The following ETV6 variants were observed in gnomAD, a reference collection of about 807,000 sequenced individuals.
The protein encoded by ETV6 is transcription factor ETV6.
A neutral mutation model predicts 51.1 loss-of-function variants in ETV6; 16 were observed. That is an observed-to-expected ratio of 0.31 (90% CI 0.21 to 0.48). The LOEUF (loss-of-function observed/expected upper bound fraction) is 0.48, where lower values mean the gene tolerates loss of function less well. Among genes scored for constraint, ETV6 ranks in the 20% least tolerant of loss-of-function variants. The pLI is 0.99. For missense variants in ETV6, 458 were observed against 594.8 expected, an observed-to-expected ratio of 0.77 and a Z score of 2.39; for synonymous variants, 240 against 224.1, an observed-to-expected ratio of 1.07 and a Z score of -0.64.
chr12:11,794,005 G>A (rs1034562859), intron 2 of ETV6, among the ~76,000 whole-genome samples: 1 of 152,116 alleles, frequency 6.6e-6, no homozygotes. Context: ...AAGGCGTCTT[G>A]TACTCCTGCT....
intron 7 of ETV6, 34 bp from the exon 8 acceptor site, chr12:11,890,907 G>A (rs753217391): frequency 1.3e-6 from 2 of 1,533,056 alleles, no homozygotes; most frequent in African/African-American, 1.4e-5. Context: ...TAGGAAAATG[G>A]AATCTCTTAC....
Position 11,891,391 on chromosome 12 carries a change from G to A in ETV6, c.*345G>A, listed in dbSNP as rs1006251718. 4 of 341,540 alleles carry A rather than the reference G, an allele frequency of 1.2e-5. No homozygotes were observed. Among genetic ancestry groups the A allele is most frequent in the South Asian group, 8.4e-5 (2 of 23,920 alleles). The allele number at this position is 341,540 out of a possible 1,614,324, so 21.2% of individuals were successfully genotyped here. ...TTTGTTTTTGTTTTAAGAACCTGCA[G>A]TTTGACTCTTCATCGTTCATCTAGG... On this transcript the variant is annotated 3_prime_UTR_variant, in exon 8 of 8. Transcript: ENST00000396373.
At position 11,773,531 on chromosome 12, in the gene ETV6, G is replaced by A. The variant is rs574043318; in HGVS notation, c.163+20952G>A. Among the ~76,000 whole-genome samples, 8 of 152,192 alleles carry A rather than the reference G, an allele frequency of 5.3e-5. No individual in the cohort carries two copies. The East Asian group carries it at 5.8e-4, about 11-fold the overall frequency. On this transcript the variant is annotated intron_variant, in intron 2 of 7. Transcript: ENST00000396373. ...AATACACATTATTTTATTGTAATCC[G>A]CTAGTTTAAATTGTTTATTCTGCTT...
chr12:11,880,781 T>C (rs977625253), intron 5 of ETV6, among the ~76,000 whole-genome samples: 7 of 152,120 alleles, frequency 4.6e-5, no homozygotes, highest in African/African-American at 1.7e-4. Flanking sequence ...ATTGCTGAAA[T>C]TTATTAAAAT....
intron 1 of ETV6, among the ~76,000 whole-genome samples, chr12:11,732,185 C>G (rs1865612095): frequency 6.6e-6 from 1 of 152,232 alleles, no homozygotes; most frequent in African/African-American, 2.4e-5. Flanking sequence ...AGTCGCAGAA[C>G]TAGTGCAGTT....
At chr12:11,777,807 TG>T (rs1945352874) in intron 2 of ETV6, among the ~76,000 whole-genome samples, 1 of 152,116 alleles carries the variant, frequency 6.6e-6, no homozygotes, top group East Asian at 1.9e-4. Context: ...TTCATCCTTT[TG>T]GCCCCAGTTT....
At chr12:11,751,468 T>C (rs1866027097) in intron 1 of ETV6, 2 of 517,958 alleles carry the variant, frequency 3.9e-6, no homozygotes, top group Non-Finnish European at 7.7e-6. Flanking sequence ...ACATGTGGAC[T>C]GCAAGTCAAC....
intron 5 of ETV6, among the ~76,000 whole-genome samples, chr12:11,877,430 T>A (rs1008272720): frequency 8.5e-5 from 13 of 152,306 alleles, no homozygotes; most frequent in Admixed American, 4.6e-4. Context: ...CCTCGGCCTT[T>A]GTTGGAAGGT....
chr12:11,722,612 A>G (rs1010487294), intron 1 of ETV6, among the ~76,000 whole-genome samples: 3 of 152,232 alleles, frequency 2.0e-5, no homozygotes, highest in South Asian at 2.1e-4. Context: ...TTTCTACGTC[A>G]AAGAGTAAAG....
At chr12:11,728,524 T>C (rs1055778905) in intron 1 of ETV6, among the ~76,000 whole-genome samples, 3 of 152,138 alleles carry the variant, frequency 2.0e-5, no homozygotes, top group Non-Finnish European at 4.4e-5. Context: ...ATGATAAATG[T>C]CATGTGCTTG....
chr12:11,888,586 G>C (rs913147660), intron 7 of ETV6, among the ~76,000 whole-genome samples: 4 of 151,938 alleles, frequency 2.6e-5, no homozygotes, highest in African/African-American at 9.7e-5. Flanking sequence ...TATTTTTAGT[G>C]GAGACAGGGT....
At chr12:11,874,389 AAT>A (rs1491178628) in intron 5 of ETV6, among the ~76,000 whole-genome samples, 83 of 144,290 alleles carry the variant, frequency 5.8e-4, no homozygotes, top group Non-Finnish European at 1.0e-3. Flanking sequence ...AAAAAAAAAA[AAT>A]GTGTGTGTAT....
At chr12:11,870,882 C>T (rs1334684312) in intron 5 of ETV6, among the ~76,000 whole-genome samples, 1 of 152,188 alleles carries the variant, frequency 6.6e-6, no homozygotes, top group African/African-American at 2.4e-5. Context: ...ATTCATTGAG[C>T]ACCTACTGTC....
chr12:11,751,918 T>G (rs1353527042), intron 1 of ETV6: 2 of 456,036 alleles, frequency 4.4e-6, no homozygotes, highest in Admixed American at 4.8e-5. Context: ...AGAAAAATCT[T>G]CCTTGTGGAT....
chr12:11,870,580 G>T (rs1946866600), intron 5 of ETV6, among the ~76,000 whole-genome samples: 1 of 152,138 alleles, frequency 6.6e-6, no homozygotes, highest in Non-Finnish European at 1.5e-5. Flanking sequence ...TCTACACATT[G>T]TCTGTTTCCT....
At chr12:11,696,870 G>A (rs1034060821) in intron 1 of ETV6, among the ~76,000 whole-genome samples, 3 of 152,078 alleles carry the variant, frequency 2.0e-5, no homozygotes, top group Non-Finnish European at 4.4e-5. Context: ...ACTAAATATT[G>A]TATTTCCTCA....
intron 1 of ETV6, among the ~76,000 whole-genome samples, chr12:11,703,768 C>G (rs1287635344): frequency 2.0e-5 from 3 of 152,184 alleles, no homozygotes; most frequent in Non-Finnish European, 2.9e-5. Flanking sequence ...AGTCGGGGAG[C>G]TTCCTGGATG....
intron 6 of ETV6, among the ~76,000 whole-genome samples, chr12:11,884,840 T>C (rs1296522659): frequency 2.0e-4 from 31 of 152,176 alleles, no homozygotes; most frequent in Admixed American, 2.0e-3. Context: ...CATGAGTGAC[T>C]CTTGTTTCCA....
At chr12:11,671,870 T>C (rs1864323076) in intron 1 of ETV6, among the ~76,000 whole-genome samples, 1 of 152,010 alleles carries the variant, frequency 6.6e-6, no homozygotes, top group Admixed American at 6.6e-5. Context: ...ATCTTATTCG[T>C]GTGAAAAACT....
Sources: allele counts gnomAD v4.1 joint callset (sites outside exome capture counted in the v4.1 genomes callset), GRCh38; gene constraint gnomAD v4.1.1; transcripts MANE v1.5; gene names NCBI Gene and HGNC (gene_info 2026-07-23, HGNC 2026-07-21).